Variants in PGM5 observed in about 807,000 individuals in gnomAD.
The protein encoded by PGM5 is phosphoglucomutase-like protein 5.
In PGM5, 23 loss-of-function variants were observed where a neutral mutation model predicts 59.2. The observed-to-expected ratio is 0.39, with a 90% CI of 0.28 to 0.55. PGM5 has a LOEUF of 0.55. PGM5 is among the 20% of genes least tolerant of loss of function. The pLI, the probability that PGM5 is intolerant of heterozygous loss-of-function variation, is 0.66. For missense variants in PGM5, 574 were observed against 748.3 expected (o/e 0.77, Z 2.72); for synonymous variants, 214 against 286.0 (o/e 0.75, Z 2.54).
chr9:68,470,513 G>A (rs1173582565), intron 7 of PGM5, among the ~76,000 whole-genome samples: 1 of 152,220 alleles, frequency 6.6e-6, no homozygotes, highest in Non-Finnish European at 1.5e-5. Flanking sequence ...TACTGAGTAA[G>A]TTTAACTGTC....
Position 68,530,923 on chromosome 9 carries a change from A to G in PGM5, c.*1267A>G, listed in dbSNP as rs543374982. 1.2e-3 allele frequency: 183 copies of G among 152,326 alleles called. No individual in the cohort carries two copies. The highest frequency in any genetic ancestry group is 4.0e-3 in the African/African-American group (166 of 41,564). 9.4% of individuals were successfully genotyped at this position (152,326 alleles called of 1,614,324 possible). A position where few individuals can be genotyped will look rare whatever the true frequency, so the allele number is the denominator to read the frequency against. On this transcript the variant is annotated 3_prime_UTR_variant, in exon 11 of 11. Transcript: ENST00000396396. ...CACTTTGACTGTTAAGCAATGCGTT[A>G]TTGCTGTAGTCAAGGTTAGTGCAAG...
intron 9 of PGM5, among the ~76,000 whole-genome samples, chr9:68,491,989 C>T (rs1554687902): frequency 6.6e-6 from 1 of 152,170 alleles, no homozygotes; most frequent in African/African-American, 2.4e-5. Context: ...GAACTATTGT[C>T]TAAAGTGTCA....
At chr9:68,370,013 G>A (rs530817565) in intron 1 of PGM5, among the ~76,000 whole-genome samples, 1 of 152,088 alleles carries the variant, frequency 6.6e-6, no homozygotes, top group East Asian at 1.9e-4. Flanking sequence ...TGGCAGCTTG[G>A]CTTTGGGGTT....
At chr9:68,516,364 G>A (rs910862223) in intron 10 of PGM5, among the ~76,000 whole-genome samples, 3 of 152,186 alleles carry the variant, frequency 2.0e-5, no homozygotes, top group African/African-American at 7.2e-5. Context: ...CTCTCTTTCA[G>A]TCCTCCTATT....
intron 1 of PGM5, among the ~76,000 whole-genome samples, chr9:68,365,650 T>C (rs1386274825): frequency 3.3e-5 from 5 of 152,212 alleles, no homozygotes; most frequent in African/African-American, 9.6e-5. Context: ...ATTTGACTTT[T>C]ACTTTCTCTT....
chr9:68,499,423 C>G lies in PGM5; in HGVS notation c.1614+62C>G. On this transcript the variant is annotated intron_variant, in intron 10 of 10. Transcript: ENST00000396396. Reference sequence around the variant, plus strand: ...CAGCTCCTGGCAAATTTAGAGAGCTCCATGGGCCTTTAGTGGGGCTATTTT... The same window carrying G: ...CAGCTCCTGGCAAATTTAGAGAGCTGCATGGGCCTTTAGTGGGGCTATTTT... 4 of 1,552,200 alleles carry G rather than the reference C, an allele frequency of 2.6e-6. No homozygotes were observed. In the Admixed American group the frequency reaches 7.4e-5, roughly 29 times the overall value.
intron 10 of PGM5, among the ~76,000 whole-genome samples, chr9:68,506,229 A>G (rs1824652888): frequency 6.6e-6 from 1 of 152,224 alleles, no homozygotes; most frequent in East Asian, 1.9e-4. Flanking sequence ...GTCTCAGCCA[A>G]TCACAGTGGC....
intron 7 of PGM5, among the ~76,000 whole-genome samples, chr9:68,467,253 T>C (rs1554685902): frequency 6.6e-6 from 1 of 152,216 alleles, no homozygotes; most frequent in East Asian, 1.9e-4. Context: ...TAAAGGCCTA[T>C]ACTAGGCCTT....
intron 6 of PGM5, among the ~76,000 whole-genome samples, chr9:68,427,792 T>TCC (rs1370690620): frequency 5.9e-5 from 9 of 152,174 alleles, no homozygotes; most frequent in Non-Finnish European, 7.4e-5. Flanking sequence ...TGAAAACCAA[T>TCC]CCTAGGTTTT....
chr9:68,456,435 C>A (rs187321982), intron 6 of PGM5, among the ~76,000 whole-genome samples: 4 of 151,490 alleles, frequency 2.6e-5, no homozygotes, highest in African/African-American at 7.3e-5. Flanking sequence ...TTCAGCCTCC[C>A]GAGTAGCTGG....
At chr9:68,400,729 A>G (rs1389167766) in intron 6 of PGM5, 2 of 152,372 alleles carry the variant, frequency 1.3e-5, no homozygotes, top group African/African-American at 2.4e-5. Flanking sequence ...TTTCGTTTAC[A>G]TTTAGGTGAG....
At chr9:68,455,703 G>A (rs1419975396) in intron 6 of PGM5, among the ~76,000 whole-genome samples, 1 of 152,144 alleles carries the variant, frequency 6.6e-6, no homozygotes, top group Non-Finnish European at 1.5e-5. Flanking sequence ...GGCATTGGTG[G>A]GTTCTGGCTG....
Position 68,378,353 on chromosome 9 carries a change from C to T in PGM5, c.416C>T (p.Ala139Val). ...GGEFGVKFNV[A>V]NGGPAPDVVS... ...GAGTTTGGAGTGAAGTTTAATGTTG[C>T]CAATGGAGGTATGTGGTTCAGCATA... The change falls in exon 2 of 11, where the codon GCC becomes GTC. Residue 139 changes from alanine (A) to valine (V), a missense_variant. By Grantham distance (64) the Ala-to-Val change is moderately conservative. Transcript: ENST00000396396. 1 of 1,589,554 alleles carries T rather than the reference C, an allele frequency of 6.3e-7. No homozygotes were observed. The highest frequency in any genetic ancestry group is 8.5e-7 in the Non-Finnish European group (1 of 1,171,266).
intron 6 of PGM5, among the ~76,000 whole-genome samples, chr9:68,453,935 G>A (rs537566038): frequency 3.2e-4 from 48 of 152,314 alleles, no homozygotes; most frequent in African/African-American, 9.6e-4. Context: ...AAGTAAGGAA[G>A]CGGCCTAAGT....
chr9:68,403,503 G>T (rs1356608060), intron 6 of PGM5, among the ~76,000 whole-genome samples: 6 of 152,284 alleles, frequency 3.9e-5, no homozygotes, highest in South Asian at 2.1e-4. Context: ...TGCCAAAAAG[G>T]TTGGGGACCA....
At chr9:68,475,025 T>C (rs373090739) in intron 7 of PGM5, among the ~76,000 whole-genome samples, 1 of 151,346 alleles carries the variant, frequency 6.6e-6, no homozygotes, top group South Asian at 2.1e-4. Context: ...ATTTATTGTT[T>C]TTTTTGAGAC....
At chr9:68,384,186 G>C (rs1278530151) in intron 2 of PGM5, among the ~76,000 whole-genome samples, 3 of 151,992 alleles carry the variant, frequency 2.0e-5, no homozygotes, top group Admixed American at 6.6e-5. Flanking sequence ...TGGGTTGTTA[G>C]TCTACATAGA....
intron 6 of PGM5, among the ~76,000 whole-genome samples, chr9:68,443,274 C>T (rs1047960972): frequency 2.6e-5 from 4 of 152,182 alleles, no homozygotes; most frequent in African/African-American, 9.7e-5. Flanking sequence ...CAAAATGTCA[C>T]ATACTGTATC....
At chr9:68,453,079 A>T (rs758779597) in intron 6 of PGM5, among the ~76,000 whole-genome samples, 9 of 152,202 alleles carry the variant, frequency 5.9e-5, no homozygotes, top group Non-Finnish European at 1.2e-4. Flanking sequence ...CACCAACTCC[A>T]CAAGGTGCTC....
Sources: gnomAD v4.1 joint callset for allele counts (sites outside exome capture counted in the v4.1 genomes callset) on GRCh38, gnomAD v4.1.1 for gene constraint, MANE v1.5 for transcripts, NCBI Gene and HGNC (gene_info 2026-07-23, HGNC 2026-07-21) for gene names.